Variants in ENTREP2 observed in about 807,000 individuals in gnomAD.
ENTREP2 encodes the protein protein ENTREP2.
the ENTREP2 span, among the ~76,000 whole-genome samples, chr15:29,363,524 T>C: frequency 9.9e-5 from 15 of 152,280 alleles, no homozygotes; most frequent in African/African-American, 2.6e-4. Flanking sequence ...AGTTAATATA[T>C]GCAGCGTAAG....
At chr15:29,571,938 G>T in the ENTREP2 span, among the ~76,000 whole-genome samples, 3 of 152,274 alleles carry the variant, frequency 2.0e-5, no homozygotes, top group East Asian at 5.8e-4. Context: ...AAGGGAAACG[G>T]CCGGTCATTT....
the ENTREP2 span, among the ~76,000 whole-genome samples, chr15:29,515,447 A>G: frequency 6.6e-6 from 1 of 152,174 alleles, no homozygotes; most frequent in African/African-American, 2.4e-5. Context: ...GGTGAGGATG[A>G]TCTTCTCTAC....
At chr15:29,452,091 T>A in the ENTREP2 span, among the ~76,000 whole-genome samples, 1 of 152,250 alleles carries the variant, frequency 6.6e-6, no homozygotes, top group African/African-American at 2.4e-5. Flanking sequence ...TTTTACACAC[T>A]TTTCTATATA....
chr15:29,588,001 A>C, the ENTREP2 span, among the ~76,000 whole-genome samples: 1 of 152,212 alleles, frequency 6.6e-6, no homozygotes. Context: ...ATAATTGAAA[A>C]AGATATTGAA....
At chr15:29,551,364 T>A in the ENTREP2 span, among the ~76,000 whole-genome samples, 1 of 152,206 alleles carries the variant, frequency 6.6e-6, no homozygotes. Flanking sequence ...CACTTGTCAC[T>A]GCCCATCGGT....
At chr15:29,355,077 CT>C in the ENTREP2 span, among the ~76,000 whole-genome samples, 1 of 152,106 alleles carries the variant, frequency 6.6e-6, no homozygotes, top group Non-Finnish European at 1.5e-5. Flanking sequence ...CCTGCATTCT[CT>C]CACCAAAGGC....
At chr15:29,461,426 T>C in the ENTREP2 span, among the ~76,000 whole-genome samples, 17 of 152,322 alleles carry the variant, frequency 1.1e-4, no homozygotes, top group South Asian at 1.0e-3. Context: ...ATGGTGTTGA[T>C]TTTTATTATG....
the ENTREP2 span, among the ~76,000 whole-genome samples, chr15:29,377,135 C>G: frequency 6.6e-6 from 1 of 152,120 alleles, no homozygotes; most frequent in Non-Finnish European, 1.5e-5. Context: ...AAAAACAAAT[C>G]ATTAGCACAG....
chr15:29,326,653 T>C, the ENTREP2 span, among the ~76,000 whole-genome samples: 4 of 152,252 alleles, frequency 2.6e-5, no homozygotes, highest in African/African-American at 9.6e-5. Context: ...ACTAGATCTA[T>C]AAATCCAATG....
the ENTREP2 span, among the ~76,000 whole-genome samples, chr15:29,164,611 G>A: frequency 6.6e-6 from 1 of 152,150 alleles, no homozygotes; most frequent in African/African-American, 2.4e-5. Flanking sequence ...AAAAGGCCTT[G>A]TCCAACAGGA....
the ENTREP2 span, among the ~76,000 whole-genome samples, chr15:29,198,358 G>A: frequency 6.6e-6 from 1 of 152,082 alleles, no homozygotes; most frequent in Non-Finnish European, 1.5e-5. Flanking sequence ...TCTGCCCTAT[G>A]GTACATGCAC....
the ENTREP2 span, among the ~76,000 whole-genome samples, chr15:29,412,114 T>C: frequency 1.3e-5 from 2 of 152,134 alleles, no homozygotes; most frequent in African/African-American, 4.8e-5. Flanking sequence ...CAAAAACATT[T>C]GTCAGGATTT....
At chr15:29,265,870 T>C in the ENTREP2 span, 1 of 152,144 alleles carries the variant, frequency 6.6e-6, no homozygotes, top group African/African-American at 2.4e-5. Flanking sequence ...ATTAAAAGCA[T>C]AAAATGTGAA....
At chr15:29,395,931 C>T in the ENTREP2 span, among the ~76,000 whole-genome samples, 1 of 152,156 alleles carries the variant, frequency 6.6e-6, no homozygotes, top group Non-Finnish European at 1.5e-5. Flanking sequence ...TGGAGAAAGG[C>T]CTAGTCAAGC....
At chr15:29,305,745 A>C in the ENTREP2 span, among the ~76,000 whole-genome samples, 1 of 152,214 alleles carries the variant, frequency 6.6e-6, no homozygotes, top group East Asian at 1.9e-4. Flanking sequence ...GGAAATGCCT[A>C]CCAGACATCC....
the ENTREP2 span, among the ~76,000 whole-genome samples, chr15:29,584,135 C>T: frequency 2.0e-5 from 3 of 152,082 alleles, no homozygotes; most frequent in Admixed American, 2.0e-4. Flanking sequence ...TCATGTATCG[C>T]TTAAGGGTCT....
At chr15:29,531,834 T>C in the ENTREP2 span, among the ~76,000 whole-genome samples, 1 of 152,046 alleles carries the variant, frequency 6.6e-6, no homozygotes, top group East Asian at 1.9e-4. Context: ...CCTGGCTAAT[T>C]TTTGTATTTT....
At chr15:29,337,199 C>G in the ENTREP2 span, among the ~76,000 whole-genome samples, 1 of 152,244 alleles carries the variant, frequency 6.6e-6, no homozygotes, top group Non-Finnish European at 1.5e-5. Context: ...GTTTATTGAC[C>G]TGGAGGAATG....
At chr15:29,648,954 C>CA in the ENTREP2 span, among the ~76,000 whole-genome samples, 25 of 149,876 alleles carry the variant, frequency 1.7e-4, no homozygotes, top group East Asian at 3.7e-3. Context: ...AAAACAACAA[C>CA]AAAAAAAACT....
Sources: allele counts gnomAD v4.1 joint callset (sites outside exome capture counted in the v4.1 genomes callset), GRCh38; gene constraint gnomAD v4.1.1; transcripts MANE v1.5; gene names NCBI Gene and HGNC (gene_info 2026-07-23, HGNC 2026-07-21).